TMEM132D: variants seen among roughly 807,000 people sequenced by gnomAD.
The protein encoded by TMEM132D is mature OL transmembrane protein.
Under a neutral mutation model 62.3 loss-of-function variants are expected in TMEM132D, and 21 were observed. The observed-to-expected ratio is 0.34, with a 90% CI of 0.24 to 0.49. The LOEUF (loss-of-function observed/expected upper bound fraction) is 0.49. Ranked by LOEUF, TMEM132D falls within the 20% of genes least tolerant of loss-of-function variation. TMEM132D has a pLI of 0.99. For missense variants in TMEM132D, 1,346 were observed against 1,402.8 expected (o/e 0.96, Z 0.65); for synonymous variants, 621 against 575.6 (o/e 1.08, Z -1.13).
intron 1 of TMEM132D, among the ~76,000 whole-genome samples, chr12:129,783,965 T>C (rs1169686817): frequency 6.6e-6 from 1 of 152,202 alleles, no homozygotes; most frequent in African/African-American, 2.4e-5. Context: ...TTTATGGTTG[T>C]TTTTTCCCCA....
At chr12:129,111,355 T>G (rs1206005161) in intron 5 of TMEM132D, 1 of 152,204 alleles carries the variant, frequency 6.6e-6, no homozygotes, top group Non-Finnish European at 1.5e-5. Flanking sequence ...TTCTGGCCTC[T>G]GAAACTGTGA....
At chr12:129,084,015 C>T (rs970090779) in intron 6 of TMEM132D, among the ~76,000 whole-genome samples, 1 of 152,200 alleles carries the variant, frequency 6.6e-6, no homozygotes, top group Admixed American at 6.5e-5. Context: ...CAGGTTGACC[C>T]TGTCAGATGT....
chr12:129,765,158 G>T (rs1870509845), intron 1 of TMEM132D, among the ~76,000 whole-genome samples: 1 of 152,200 alleles, frequency 6.6e-6, no homozygotes, highest in Admixed American at 6.5e-5. Context: ...GTGGAAAAGT[G>T]TGGATTGTCT....
intron 1 of TMEM132D, among the ~76,000 whole-genome samples, chr12:129,861,567 C>T (rs189867533): frequency 9.9e-5 from 15 of 152,206 alleles, no homozygotes; most frequent in Non-Finnish European, 2.1e-4. Context: ...TCGAGACCAG[C>T]CTGGCCAACA....
intron 2 of TMEM132D, among the ~76,000 whole-genome samples, chr12:129,579,766 C>G (rs1877790401): frequency 1.3e-5 from 2 of 152,164 alleles, no homozygotes; most frequent in South Asian, 2.1e-4. Flanking sequence ...TCCACTGACT[C>G]AAATATCAAT....
intron 1 of TMEM132D, among the ~76,000 whole-genome samples, chr12:129,708,631 ACAC>A (rs369098124): frequency 0.22 from 15,297 of 70,488 alleles, 4,443 homozygotes; most frequent in East Asian, 0.51. Flanking sequence ...AAAAAAAAAA[ACAC>A]ACACACACAC....
intron 1 of TMEM132D, among the ~76,000 whole-genome samples, chr12:129,750,501 T>C (rs965272796): frequency 6.6e-6 from 1 of 152,236 alleles, no homozygotes; most frequent in African/African-American, 2.4e-5. Context: ...ATTCCATTAA[T>C]ATGGTGAAAG....
intron 3 of TMEM132D, among the ~76,000 whole-genome samples, chr12:129,356,607 CA>C (rs1870057732): frequency 6.6e-6 from 1 of 150,416 alleles, no homozygotes; most frequent in South Asian, 2.1e-4. Flanking sequence ...TGCTTGACCC[CA>C]GGAGTTGGAG....
chr12:129,259,494 G>A (rs139819783), intron 4 of TMEM132D, among the ~76,000 whole-genome samples: 4 of 152,340 alleles, frequency 2.6e-5, no homozygotes, highest in East Asian at 1.9e-4. Context: ...AGTTGGAAAG[G>A]GAGGCAGGAT....
chr12:129,535,804 G>A (rs1035039985), intron 2 of TMEM132D, among the ~76,000 whole-genome samples: 2 of 148,918 alleles, frequency 1.3e-5, no homozygotes, highest in Admixed American at 6.7e-5. Flanking sequence ...GTGTGTGTGT[G>A]TGTGTGTTGT....
At chr12:129,395,677 CTGTATA>C (rs777649427) in intron 3 of TMEM132D, among the ~76,000 whole-genome samples, 5 of 150,300 alleles carry the variant, frequency 3.3e-5, no homozygotes, top group Non-Finnish European at 7.4e-5. Flanking sequence ...ACTATTATGT[CTGTATA>C]TGTATATCTA....
At chr12:129,865,177 T>C (rs760460606) in intron 1 of TMEM132D, among the ~76,000 whole-genome samples, 3 of 152,142 alleles carry the variant, frequency 2.0e-5, no homozygotes, top group South Asian at 2.1e-4. Context: ...ACCTCTCTCA[T>C]TGGTGACAGT....
At chr12:129,796,303 C>T (rs1392670843) in intron 1 of TMEM132D, among the ~76,000 whole-genome samples, 1 of 152,074 alleles carries the variant, frequency 6.6e-6, no homozygotes, top group Non-Finnish European at 1.5e-5. Flanking sequence ...TCTTTCCCAC[C>T]TACTCATTTG....
In TMEM132D at chr12:129,692,142, C is replaced by T. The variant is rs187787013; in HGVS notation, c.968+7668G>A. ...AGACATTCAAGAAAAAACAAAAGTGCAAACTAGTATCTCTCAGTAATATGA... is the reference window on the plus strand; with the variant it reads ...AGACATTCAAGAAAAAACAAAAGTGTAAACTAGTATCTCTCAGTAATATGA... On this transcript the variant is annotated intron_variant, in intron 2 of 8. Coordinates refer to ENST00000422113, the MANE Select transcript of TMEM132D (RefSeq NM_133448.3). Among the ~76,000 whole-genome samples the T allele has an allele frequency of 5.9e-5, 9 of 152,166 alleles. No homozygotes were observed. In the East Asian group the frequency reaches 1.7e-3, roughly 29 times the overall value.
At chr12:129,387,793 C>T (rs111656666) in intron 3 of TMEM132D, among the ~76,000 whole-genome samples, 12,787 of 123,254 alleles carry the variant, frequency 0.1, 708 homozygotes, top group African/African-American at 0.2. Context: ...CCAGCACTGA[C>T]AATAATATGA....
At chr12:129,211,932 C>T (rs552888404) in intron 4 of TMEM132D, 1 of 152,296 alleles carries the variant, frequency 6.6e-6, no homozygotes, top group East Asian at 1.9e-4. Flanking sequence ...ATTACTTTTG[C>T]ACCAACCTAA....
chr12:129,304,679 T>G (rs1008960232), intron 4 of TMEM132D, among the ~76,000 whole-genome samples: 14 of 149,392 alleles, frequency 9.4e-5, no homozygotes, highest in Non-Finnish European at 2.1e-4. Flanking sequence ...TTTTTTTTTT[T>G]TTTTTTTTGA....
At chr12:129,440,433 T>C (rs1312086721) in intron 3 of TMEM132D, among the ~76,000 whole-genome samples, 2 of 152,140 alleles carry the variant, frequency 1.3e-5, no homozygotes, top group East Asian at 3.9e-4. Flanking sequence ...GACTCACTTT[T>C]TACTTAGAAG....
intron 2 of TMEM132D, among the ~76,000 whole-genome samples, chr12:129,689,621 T>C (rs1272626554): frequency 6.6e-6 from 1 of 152,204 alleles, no homozygotes; most frequent in Middle Eastern, 3.2e-3. Context: ...ATTTAGGGCA[T>C]TGGATGAGTT....
Sources: gnomAD v4.1 joint callset for allele counts (sites outside exome capture counted in the v4.1 genomes callset) on GRCh38, gnomAD v4.1.1 for gene constraint, MANE v1.5 for transcripts, NCBI Gene and HGNC (gene_info 2026-07-23, HGNC 2026-07-21) for gene names.